The following EMILIN2 variants were observed in gnomAD, a reference collection of about 807,000 sequenced individuals.
EMILIN2 encodes EMILIN-2.
A neutral mutation model predicts 87.1 loss-of-function variants in EMILIN2; 71 were observed. The ratio of observed to expected loss-of-function variants is 0.82; its 90% CI spans 0.67 to 0.99. EMILIN2 has a LOEUF of 0.99. Ranked by LOEUF, EMILIN2 falls within the 50% of genes least tolerant of loss-of-function variation. EMILIN2 has a pLI of 0.00. For missense variants in EMILIN2, 1,407 were observed against 1,371.8 expected, an observed-to-expected ratio of 1.03 and a Z score of -0.40; for synonymous variants, 581 against 563.4, an observed-to-expected ratio of 1.03 and a Z score of -0.44.
intron 2 of EMILIN2, among the ~76,000 whole-genome samples, chr18:2,878,385 G>C (rs929801652): frequency 6.6e-6 from 1 of 152,008 alleles, no homozygotes; most frequent in Non-Finnish European, 1.5e-5. Context: ...AGCTATTTGC[G>C]AGATTGAGGC....
Position 2,913,377 on chromosome 18 carries a change from C to T in EMILIN2, c.3135C>T (p.Phe1045=), listed in dbSNP as rs1289751201. Residue 1045 remains phenylalanine (F), a synonymous_variant, in exon 8 of 8, where the codon TTC becomes TTT. Transcript: ENST00000254528. ...DEMYSTFSGV[F]LYPFLSHL ...TGTACTCCACATTTAGTGGGGTTTT[C>T]TTATATCCTTTCCTTTCCCACCTCT... is the stretch of plus-strand genomic sequence containing the variant. 8.7e-6 allele frequency: 14 copies of T among 1,606,686 alleles called. No homozygotes were observed. Among genetic ancestry groups the T allele is most frequent in the Middle Eastern group, 1.7e-4 (1 of 6,006 alleles).
chr18:2,883,466 AGAG>A (rs1377823475), intron 2 of EMILIN2, among the ~76,000 whole-genome samples: 1 of 152,224 alleles, frequency 6.6e-6, no homozygotes, highest in African/African-American at 2.4e-5. Flanking sequence ...TAAGAAATGA[AGAG>A]GAGCTGAAGA....
In EMILIN2 at chr18:2,885,225, G is replaced by A. The variant is rs897338896; in HGVS notation, c.433+86G>A. 22 of 1,417,440 alleles carry A rather than the reference G, an allele frequency of 1.6e-5. No homozygotes were observed. The African/African-American group carries it at 2.6e-4, about 17-fold the overall frequency. 87.8% of individuals were successfully genotyped at this position (1,417,440 alleles called of 1,614,324 possible). A position where few individuals can be genotyped will look rare whatever the true frequency, so the allele number is the denominator to read the frequency against. On this transcript the variant is annotated intron_variant, in intron 3 of 7. Coordinates refer to ENST00000254528, the MANE Select transcript of EMILIN2 (RefSeq NM_032048.3). The stretch of plus-strand genomic sequence containing the variant: ...ACAACAGGATTTGTGCTTTACAATG[G>A]TGAGCTTTGAATGGCCTTCGAATAA...
chr18:2,857,935 A>G (rs1017561227), intron 2 of EMILIN2, among the ~76,000 whole-genome samples: 1 of 151,928 alleles, frequency 6.6e-6, no homozygotes, highest in South Asian at 2.1e-4. Flanking sequence ...CCTCCTGGCC[A>G]CTCTCGAGAT....
intron 2 of EMILIN2, among the ~76,000 whole-genome samples, chr18:2,858,569 A>ATATATATATATATG (rs1305555851): frequency 1.8e-4 from 10 of 55,364 alleles, no homozygotes; most frequent in Admixed American, 2.4e-4. Context: ...ATATATATAT[A>ATATATATATATATG]TGTGTGTGTG....
In EMILIN2 at chr18:2,848,359, A is replaced by C. The variant is rs139327518; in HGVS notation, c.257+428A>C. On this transcript the variant is annotated intron_variant, in intron 2 of 7. Transcript: ENST00000254528. The surrounding 1 kb of genome is among the most constrained non-coding windows in gnomAD (Gnocchi z 4.1). ...TAGGATTCGCTGAGAGGTTTGGCTA[A>C]GTAGTGTTCTAAAACGAGTGAGTTC... Among the ~76,000 whole-genome samples, 146 of 152,304 alleles carry C rather than the reference A, an allele frequency of 9.6e-4. 2 individuals carry two copies. The Middle Eastern group carries it at 0.044, about 46-fold the overall frequency.
At chr18:2,877,638 C>T (rs1302003127) in intron 2 of EMILIN2, among the ~76,000 whole-genome samples, 8 of 151,886 alleles carry the variant, frequency 5.3e-5, no homozygotes, top group African/African-American at 4.8e-5. Context: ...ATTAGCCAGG[C>T]GTGGTGGCCT....
In EMILIN2 at chr18:2,913,794, G is replaced by C; in HGVS notation, c.*390G>C. On this transcript the variant is annotated 3_prime_UTR_variant, in exon 8 of 8. Coordinates refer to ENST00000254528, the MANE Select transcript of EMILIN2 (RefSeq NM_032048.3). ...CTGGTCTTTACTGCAGGGCAGCACT[G>C]TGGCCAGCTGTCTGTCTTTACACTG... 1 of 196,510 alleles carries C rather than the reference G, an allele frequency of 5.1e-6. No individual in the cohort carries two copies. Among genetic ancestry groups the C allele is most frequent in the South Asian group, 9.8e-5 (1 of 10,188 alleles). 12.2% of individuals were successfully genotyped at this position (196,510 alleles called of 1,614,324 possible). A position where few individuals can be genotyped will look rare whatever the true frequency, so the allele number is the denominator to read the frequency against.
chr18:2,889,133 C>CTTTTCTTTTTTT (rs2076819032), intron 3 of EMILIN2, among the ~76,000 whole-genome samples: 2 of 84,316 alleles, frequency 2.4e-5, no homozygotes, highest in Admixed American at 1.6e-4. Context: ...TCTTTCTTTT[C>CTTTTCTTTTTTT]TTTTTTTTTT....
rs552199862 is a variant in EMILIN2 at position 2,858,605 on chromosome 18, G to GTA, written c.257+10686_257+10687dup. On this transcript the variant is annotated intron_variant, in intron 2 of 7. Transcript: ENST00000254528. Reference sequence around the variant, plus strand: ...TGTGTATATATATATATATATATGTGTATATATATATATGTTCCACAGTTT... The same window carrying GTA: ...TGTGTATATATATATATATATATGTGTATATATATATATATGTTCCACAGTTT... Among the ~76,000 whole-genome samples the GTA allele has an allele frequency of 6.5e-4, 56 of 86,160 alleles. 4 individuals carry two copies. Among genetic ancestry groups the GTA allele is most frequent in the South Asian group, 2.7e-3 (7 of 2,548 alleles). 56.5% of individuals were successfully genotyped at this position (86,160 alleles called of 152,430 possible). A position where few individuals can be genotyped will look rare whatever the true frequency, so the allele number is the denominator to read the frequency against.
At chr18:2,870,300 G>A (rs973768195) in intron 2 of EMILIN2, among the ~76,000 whole-genome samples, 7 of 152,162 alleles carry the variant, frequency 4.6e-5, no homozygotes, top group African/African-American at 1.7e-4. Flanking sequence ...TTATAGCCCT[G>A]GAAAATGTTG....
rs1398204672 is a variant in EMILIN2, at chr18:2,880,652, G to A, written c.258-4312G>A. On this transcript the variant is annotated intron_variant, in intron 2 of 7. Transcript: ENST00000254528. The surrounding 1 kb of genome is among the most constrained non-coding windows in gnomAD (Gnocchi z 4.1). ...GCCTTAACTTTTCCTCTGGCTGCGG[G>A]TCCCTCGGCTTGGCCACCCCCACAC... Among the ~76,000 whole-genome samples the A allele has an allele frequency of 6.6e-6, 1 of 152,224 alleles. No homozygotes were observed. Among genetic ancestry groups the A allele is most frequent in the Non-Finnish European group, 1.5e-5 (1 of 68,030 alleles).
rs550581318 is a variant in EMILIN2, at chr18:2,903,171, G to GA, written c.2360-3611dup. ...ATGTCAGATGGAGCTGATCCAAGAAGAGGAGGGAGGGTGGGGCTGGGGCTC... is the reference window on the plus strand; with the variant it reads ...ATGTCAGATGGAGCTGATCCAAGAAGAAGGAGGGAGGGTGGGGCTGGGGCTC... On this transcript the variant is annotated intron_variant, in intron 4 of 7. Coordinates refer to ENST00000254528, the MANE Select transcript of EMILIN2 (RefSeq NM_032048.3). Among the ~76,000 whole-genome samples the GA allele has an allele frequency of 4.5e-3, 688 of 151,266 alleles. 3 individuals are homozygous for GA. Among genetic ancestry groups the GA allele is most frequent in the African/African-American group, 0.015 (612 of 41,184 alleles).
chr18:2,846,606 C>T (rs2076574647), upstream of EMILIN2, among the ~76,000 whole-genome samples: 1 of 152,196 alleles, frequency 6.6e-6, no homozygotes, highest in Non-Finnish European at 1.5e-5. The surrounding 1 kb of genome is among the most constrained non-coding windows in gnomAD (Gnocchi z 5.3). Context: ...CGAGTCGAGC[C>T]CCCACTCCTC....
chr18:2,863,533 A>AGT (rs1477830365), intron 2 of EMILIN2, among the ~76,000 whole-genome samples: 3 of 150,362 alleles, frequency 2.0e-5, no homozygotes, highest in Non-Finnish European at 4.4e-5. Context: ...AGCTGTTTTG[A>AGT]GTGAGTTTCT....
intron 7 of EMILIN2, among the ~76,000 whole-genome samples, chr18:2,912,641 G>A (rs1356778018): frequency 6.6e-6 from 1 of 152,230 alleles, no homozygotes; most frequent in African/African-American, 2.4e-5. Context: ...CCATTGCCCA[G>A]CATGGGGAGA....
chr18:2,898,754 T>C (rs2076874778), intron 4 of EMILIN2, among the ~76,000 whole-genome samples: 1 of 152,228 alleles, frequency 6.6e-6, no homozygotes, highest in Admixed American at 6.5e-5. Context: ...CCAGAAAGCC[T>C]GGCCAGGGCA....
intron 4 of EMILIN2, among the ~76,000 whole-genome samples, chr18:2,900,665 C>A (rs980600560): frequency 1.6e-4 from 13 of 79,208 alleles, no homozygotes; most frequent in Admixed American, 6.5e-4. Context: ...TTTATCTAAG[C>A]TCACCCCGGG....
chr18:2,860,176 A>C (rs1451295070), intron 2 of EMILIN2, among the ~76,000 whole-genome samples: 1 of 152,158 alleles, frequency 6.6e-6, no homozygotes, highest in Non-Finnish European at 1.5e-5. Context: ...TCATTTTCAC[A>C]ATACTGATTC....
Sources: gnomAD v4.1 joint callset for allele counts (sites outside exome capture counted in the v4.1 genomes callset) on GRCh38, gnomAD v4.1.1 for gene constraint, Gnocchi (gnomAD v3.1) non-coding constraint, MANE v1.5 for transcripts, NCBI Gene and HGNC (gene_info 2026-07-23, HGNC 2026-07-21) for gene names.